RSU1: variants seen among roughly 807,000 people sequenced by gnomAD.
RSU1 encodes the protein rsu-1.
A neutral mutation model predicts 31.1 loss-of-function variants in RSU1; 26 were observed. The observed-to-expected ratio is 0.84, with a 90% CI of 0.61 to 1.16. RSU1 has a LOEUF of 1.16. Ranked by LOEUF, RSU1 falls within the 50% of genes most tolerant of loss-of-function variation. The pLI, the probability that RSU1 is intolerant of heterozygous loss-of-function variation, is 0.00. For synonymous variants in RSU1, 164 were observed against 136.3 expected (o/e 1.20, Z -1.41); for missense variants, 320 against 339.1 (o/e 0.94, Z 0.44).
Position 16,683,753 on chromosome 10 carries a change from G to C in RSU1, c.731+11270C>G, listed in dbSNP as rs571095833. Among the ~76,000 whole-genome samples, 3 of 152,314 alleles carry C rather than the reference G, an allele frequency of 2.0e-5. No homozygotes were observed. The South Asian group carries it at 6.2e-4, about 32-fold the overall frequency. ...TCCAAGGTGGTTGGGGCGCAGCTTG[G>C]TTTCATGCATTTTAGGGAGGCATGA... On this transcript the variant is annotated intron_variant, in intron 8 of 8. Transcript: ENST00000345264.
chr10:16,798,690 C>CTT (rs1379941358), intron 2 of RSU1, among the ~76,000 whole-genome samples: 4 of 152,256 alleles, frequency 2.6e-5, no homozygotes, highest in African/African-American at 9.6e-5. Context: ...TGAAAACAGA[C>CTT]TAATACAATT....
At chr10:16,685,649 G>T (rs1041397127) in intron 8 of RSU1, among the ~76,000 whole-genome samples, 9 of 150,906 alleles carry the variant, frequency 6.0e-5, no homozygotes, top group African/African-American at 2.2e-4. Context: ...GGTTTTGTTG[G>T]ATTTGGCCAG....
At chr10:16,814,862 G>C (rs1214914992) in intron 2 of RSU1, among the ~76,000 whole-genome samples, 1 of 152,128 alleles carries the variant, frequency 6.6e-6, no homozygotes, top group Non-Finnish European at 1.5e-5. Flanking sequence ...AAAAGCCAAG[G>C]CTTCAAAGAG....
In RSU1 at chr10:16,697,797, T is replaced by C. The variant is rs143445550; in HGVS notation, c.599-2642A>G. On this transcript the variant is annotated intron_variant, in intron 7 of 8. Coordinates refer to ENST00000345264, the MANE Select transcript of RSU1 (RefSeq NM_012425.4). ...GAATTCCTAAGCTAAGGGGATTTTC[T>C]AGTTAGTGAGTATTTTCCCCTAAAT... Among the ~76,000 whole-genome samples the C allele has an allele frequency of 3.9e-4, 59 of 152,252 alleles. No homozygotes were observed. In the East Asian group the frequency reaches 0.011, roughly 29 times the overall value.
At chr10:16,674,925 C>A (rs539040143) in intron 8 of RSU1, among the ~76,000 whole-genome samples, 6 of 152,012 alleles carry the variant, frequency 3.9e-5, no homozygotes, top group African/African-American at 1.4e-4. Context: ...CCCAGCTACT[C>A]GGGAGGCTGA....
chr10:16,593,568 T>G, intron 8 of RSU1, 72 bp from the exon 9 acceptor site: 1 of 1,181,754 alleles, frequency 8.5e-7, no homozygotes, highest in Non-Finnish European at 1.3e-6. Flanking sequence ...GGAAGAGCTT[T>G]CAGGAATAGA....
chr10:16,774,423 A>G (rs536188964), intron 3 of RSU1, among the ~76,000 whole-genome samples: 1 of 152,216 alleles, frequency 6.6e-6, no homozygotes, highest in Non-Finnish European at 1.5e-5. Context: ...AACAAAAACT[A>G]GCTGGGCATG....
At chr10:16,741,761 T>C (rs1025444773) in intron 7 of RSU1, among the ~76,000 whole-genome samples, 2 of 152,018 alleles carry the variant, frequency 1.3e-5, no homozygotes, top group African/African-American at 4.8e-5. Context: ...GAATGGATTG[T>C]AAAGGGAAGG....
At chr10:16,782,177 A>G in intron 2 of RSU1, 93 bp from the exon 3 acceptor site, 1 of 968,154 alleles carries the variant, frequency 1.0e-6, no homozygotes, top group South Asian at 1.4e-5. Flanking sequence ...CGGCAAAGTT[A>G]TTTTCACAGG....
chr10:16,817,057 C>G lies in RSU1; in HGVS notation c.25G>C (p.Val9Leu), dbSNP rs1838552740. The G allele has an allele frequency of 1.2e-6, 2 of 1,614,082 alleles. No homozygotes were observed. The highest frequency in any genetic ancestry group is 4.5e-5 in the East Asian group (2 of 44,888). MSKSLKKL[V>L]EESREKNQPE... is the part of the protein sequence containing the mutation. ...TGGTTCTTCTCCCGGCTCTCCTCCA[C>G]CAACTTCTTCAGAGACTTGGACATG... Residue 9 changes from valine to leucine, a missense_variant, in exon 2 of 9, where the codon GTG becomes CTG. Coordinates refer to ENST00000345264, the MANE Select transcript of RSU1 (RefSeq NM_012425.4).
chr10:16,657,451 A>G (rs1403548774), intron 8 of RSU1, among the ~76,000 whole-genome samples: 3 of 151,826 alleles, frequency 2.0e-5, no homozygotes, highest in African/African-American at 7.3e-5. Flanking sequence ...CAATATGATC[A>G]GTGCAGTTAT....
chr10:16,627,780 A>AG (rs1179295744), intron 8 of RSU1, among the ~76,000 whole-genome samples: 3 of 151,806 alleles, frequency 2.0e-5, no homozygotes, highest in East Asian at 1.9e-4. Flanking sequence ...AAAAAAAAAA[A>AG]AAGAAGTAAC....
intron 2 of RSU1, among the ~76,000 whole-genome samples, chr10:16,788,304 TACAC>T (rs1192608840): frequency 6.6e-6 from 1 of 152,178 alleles, no homozygotes; most frequent in African/African-American, 2.4e-5. Flanking sequence ...TGCTAGGGAC[TACAC>T]ATTTGAACGT....
chr10:16,738,488 G>C (rs574693626), intron 7 of RSU1, among the ~76,000 whole-genome samples: 1 of 152,158 alleles, frequency 6.6e-6, no homozygotes, highest in East Asian at 1.9e-4. Flanking sequence ...AATCACGTAA[G>C]CTTTCACCTA....
chr10:16,719,464 C>T (rs989801005), intron 7 of RSU1, among the ~76,000 whole-genome samples: 4 of 152,136 alleles, frequency 2.6e-5, no homozygotes, highest in Non-Finnish European at 5.9e-5. Context: ...TACCCAATAC[C>T]CTCTTCTCCC....
At chr10:16,785,457 T>TATAC (rs879683799) in intron 2 of RSU1, among the ~76,000 whole-genome samples, 1 of 122,712 alleles carries the variant, frequency 8.1e-6, no homozygotes, top group Non-Finnish European at 1.6e-5. Flanking sequence ...TATACATATA[T>TATAC]ACATATATAT....
chr10:16,688,434 G>C (rs191870730), intron 8 of RSU1, among the ~76,000 whole-genome samples: 1 of 152,080 alleles, frequency 6.6e-6, no homozygotes, highest in Non-Finnish European at 1.5e-5. Flanking sequence ...GCGAAACCCT[G>C]TCTCTACTAA....
At chr10:16,690,704 G>A (rs1264400468) in intron 8 of RSU1, among the ~76,000 whole-genome samples, 2 of 152,160 alleles carry the variant, frequency 1.3e-5, no homozygotes, top group Non-Finnish European at 2.9e-5. Flanking sequence ...ACTTGAGGAC[G>A]TGCTCTGAGG....
At chr10:16,711,509 T>C (rs1836019031) in intron 7 of RSU1, among the ~76,000 whole-genome samples, 1 of 152,206 alleles carries the variant, frequency 6.6e-6, no homozygotes, top group Non-Finnish European at 1.5e-5. Flanking sequence ...TCTTCTTTTC[T>C]AATGTAGCTG....
Sources: allele counts gnomAD v4.1 joint callset (sites outside exome capture counted in the v4.1 genomes callset), GRCh38; gene constraint gnomAD v4.1.1; transcripts MANE v1.5; gene names NCBI Gene and HGNC (gene_info 2026-07-23, HGNC 2026-07-21).